The following EYS variants were observed in gnomAD, a reference collection of about 807,000 sequenced individuals.
EYS encodes the protein EGF-like photoreceptor maintenance factor, also known as protein eyes shut homolog.
EYS carries 250 observed loss-of-function variants against 282.1 expected under a neutral mutation model. The ratio of observed to expected loss-of-function variants is 0.89; its 90% CI spans 0.80 to 0.98. The LOEUF (loss-of-function observed/expected upper bound fraction) is 0.98. EYS is among the 50% of genes least tolerant of loss of function. The pLI, the probability that EYS is intolerant of heterozygous loss-of-function variation, is 0.00. For synonymous variants in EYS, 1,355 were observed against 1,282.9 expected, an observed-to-expected ratio of 1.06 and a Z score of -1.20; for missense variants, 4,016 against 3,709.0, an observed-to-expected ratio of 1.08 and a Z score of -2.15.
intron 2 of EYS, among the ~76,000 whole-genome samples, chr6:65,561,937 A>T (rs1376130275): frequency 1.3e-5 from 2 of 151,666 alleles, no homozygotes; most frequent in African/African-American, 4.8e-5. Flanking sequence ...TTATAAAAAT[A>T]CAGTATTTTA....
chr6:64,538,053 G>T (rs887076538), intron 26 of EYS, among the ~76,000 whole-genome samples: 1 of 147,536 alleles, frequency 6.8e-6, no homozygotes, highest in South Asian at 2.1e-4. Flanking sequence ...GCTACTAAGT[G>T]TATAGCTAGG....
At chr6:65,277,734 CCT>C (rs1768089126) in intron 12 of EYS, among the ~76,000 whole-genome samples, 1 of 152,156 alleles carries the variant, frequency 6.6e-6, no homozygotes, top group Non-Finnish European at 1.5e-5. Context: ...GACTTTACCT[CCT>C]TTTTAGAGCA....
chr6:64,641,768 T>A (rs547694164), intron 22 of EYS, among the ~76,000 whole-genome samples: 1 of 152,268 alleles, frequency 6.6e-6, no homozygotes, highest in East Asian at 1.9e-4. Flanking sequence ...CCTCCTGAGC[T>A]CTGTCTCCTG....
chr6:64,322,742 C>T (rs1412316944), intron 29 of EYS, among the ~76,000 whole-genome samples: 1 of 151,966 alleles, frequency 6.6e-6, no homozygotes, highest in African/African-American at 2.4e-5. Flanking sequence ...GTTTTCAGGT[C>T]AGCAAGGTTT....
chr6:64,494,330 A>G (rs552594356), intron 26 of EYS, among the ~76,000 whole-genome samples: 4 of 151,684 alleles, frequency 2.6e-5, no homozygotes, highest in Non-Finnish European at 5.9e-5. Flanking sequence ...TATAGAATAA[A>G]GTCCAAATAC....
chr6:63,973,368 T>C (rs1199081115), intron 35 of EYS, among the ~76,000 whole-genome samples: 2 of 151,956 alleles, frequency 1.3e-5, no homozygotes, highest in African/African-American at 2.4e-5. Context: ...TTGCCCAGAA[T>C]CTACAAGGAA....
intron 39 of EYS, among the ~76,000 whole-genome samples, chr6:63,778,666 G>A (rs1770129669): frequency 6.6e-6 from 1 of 152,006 alleles, no homozygotes; most frequent in Non-Finnish European, 1.5e-5. Flanking sequence ...AATATCTTAT[G>A]TGTATATCTT....
chr6:64,896,058 AAC>A (rs1229716664), intron 18 of EYS, among the ~76,000 whole-genome samples: 1 of 152,162 alleles, frequency 6.6e-6, no homozygotes, highest in Non-Finnish European at 1.5e-5. Flanking sequence ...AAATACAACT[AAC>A]AAAGATATTT....
At position 65,320,899 on chromosome 6, in the gene EYS, C is replaced by A. The variant is rs1769456793; in HGVS notation, c.1766+14081G>T. On this transcript the variant is annotated intron_variant, in intron 11 of 42. Transcript: ENST00000503581. ...CATGTTCACCCTAAGTGAGGCAACT[C>A]CAGCAGGCACCTACAGCTTCCTGTG... 2.0e-5 allele frequency among the ~76,000 whole-genome samples: 3 copies of A among 152,306 alleles called. No homozygotes were observed. The South Asian group carries it at 6.2e-4, about 32-fold the overall frequency.
intron 14 of EYS, among the ~76,000 whole-genome samples, chr6:64,968,649 G>T (rs563063035): frequency 6.6e-6 from 1 of 151,990 alleles, no homozygotes; most frequent in Non-Finnish European, 1.5e-5. Context: ...CCAAAATTCT[G>T]CTTGTCAAAA....
At chr6:65,280,068 G>C (rs1290615556) in intron 12 of EYS, among the ~76,000 whole-genome samples, 1 of 152,110 alleles carries the variant, frequency 6.6e-6, no homozygotes, top group Non-Finnish European at 1.5e-5. Context: ...ACTTAATAAA[G>C]TACTGGATAA....
intron 13 of EYS, among the ~76,000 whole-genome samples, chr6:65,007,359 C>T (rs1191071975): frequency 6.6e-6 from 1 of 152,106 alleles, no homozygotes; most frequent in Admixed American, 6.5e-5. Context: ...CAATTTGACC[C>T]TCAGACGCTA....
At chr6:65,440,293 A>G (rs1420573832) in intron 5 of EYS, among the ~76,000 whole-genome samples, 3 of 151,974 alleles carry the variant, frequency 2.0e-5, no homozygotes, top group Admixed American at 2.0e-4. Flanking sequence ...GGAGTGAGAA[A>G]CATTTGATAG....
At chr6:64,626,970 T>C (rs1263069353) in intron 22 of EYS, among the ~76,000 whole-genome samples, 1 of 152,172 alleles carries the variant, frequency 6.6e-6, no homozygotes, top group African/African-American at 2.4e-5. Context: ...AGAATAGATA[T>C]GGAAAGAGTC....
intron 22 of EYS, among the ~76,000 whole-genome samples, chr6:64,722,798 C>G (rs1406590194): frequency 1.3e-5 from 2 of 151,988 alleles, no homozygotes; most frequent in African/African-American, 4.8e-5. Context: ...TCTATTTAAA[C>G]AAATCTAAAA....
intron 26 of EYS, among the ~76,000 whole-genome samples, chr6:64,582,120 A>C (rs182514549): frequency 1.3e-5 from 2 of 152,284 alleles, no homozygotes; most frequent in Admixed American, 1.3e-4. Flanking sequence ...CTCTGTCACA[A>C]CTATTCAACT....
intron 12 of EYS, among the ~76,000 whole-genome samples, chr6:65,121,292 G>C (rs1319099099): frequency 6.6e-6 from 1 of 152,084 alleles, no homozygotes; most frequent in Non-Finnish European, 1.5e-5. Context: ...TTTAGAGATG[G>C]GGATGAAACT....
intron 12 of EYS, among the ~76,000 whole-genome samples, chr6:65,107,416 G>A (rs1167721211): frequency 6.6e-6 from 1 of 151,400 alleles, no homozygotes; most frequent in Non-Finnish European, 1.5e-5. Context: ...TAATTGATTG[G>A]CTCTTGGGAA....
intron 5 of EYS, among the ~76,000 whole-genome samples, chr6:65,479,824 A>G (rs926493960): frequency 6.6e-6 from 1 of 152,108 alleles, no homozygotes; most frequent in African/African-American, 2.4e-5. Flanking sequence ...TATTTTATTA[A>G]CATTGAAAAC....
Sources: allele counts gnomAD v4.1 joint callset (sites outside exome capture counted in the v4.1 genomes callset), GRCh38; gene constraint gnomAD v4.1.1; transcripts MANE v1.5; gene names NCBI Gene and HGNC (gene_info 2026-07-23, HGNC 2026-07-21).